EPN2: variants seen among roughly 807,000 people sequenced by gnomAD.
The protein encoded by EPN2 is epsin-2.
EPN2 carries 34 observed loss-of-function variants against 61.7 expected under a neutral mutation model. The observed-to-expected ratio is 0.55, with a 90% CI of 0.42 to 0.73. EPN2 has a LOEUF of 0.73. Among genes scored for constraint, EPN2 ranks in the 30% least tolerant of loss-of-function variants. EPN2 has a pLI of 0.00. For synonymous variants in EPN2, 349 were observed against 353.6 expected (o/e 0.99, Z 0.15); for missense variants, 714 against 839.2 (o/e 0.85, Z 1.84).
intron 1 of EPN2, among the ~76,000 whole-genome samples, chr17:19,280,181 T>C (rs1305382649): frequency 1.3e-5 from 2 of 152,132 alleles, no homozygotes; most frequent in Non-Finnish European, 2.9e-5. Flanking sequence ...CCCACTTCTC[T>C]GAGAAGCTGA....
chr17:19,307,316 T>C (rs1354088515), intron 4 of EPN2, among the ~76,000 whole-genome samples: 2 of 152,112 alleles, frequency 1.3e-5, no homozygotes, highest in African/African-American at 4.8e-5. Context: ...GCTGCAACTT[T>C]CTTTTTTTTT....
At chr17:19,256,095 G>A (rs1173722190) in intron 1 of EPN2, among the ~76,000 whole-genome samples, 8 of 151,826 alleles carry the variant, frequency 5.3e-5, no homozygotes, top group South Asian at 2.1e-4. Flanking sequence ...CCGCCACCAC[G>A]CCCGGCTAAT....
At chr17:19,329,475 C>A (rs1237736297) in intron 8 of EPN2, 86 bp from the exon 9 acceptor site, 2 of 761,906 alleles carry the variant, frequency 2.6e-6, no homozygotes, top group East Asian at 5.3e-5. Context: ...CTGTTGCCAG[C>A]CCATCCTGAG....
At chr17:19,298,814 T>C (rs1905325548) in intron 4 of EPN2, among the ~76,000 whole-genome samples, 1 of 152,258 alleles carries the variant, frequency 6.6e-6, no homozygotes, top group Non-Finnish European at 1.5e-5. Flanking sequence ...GCACTTCACA[T>C]ACCAGCTTGC....
chr17:19,265,211 A>G, intron 1 of EPN2, among the ~76,000 whole-genome samples: 1 of 151,972 alleles, frequency 6.6e-6, no homozygotes, highest in East Asian at 1.9e-4. Context: ...TGGCCAACAT[A>G]GGGAAACCCC....
At chr17:19,268,055 G>C (rs981272113) in intron 1 of EPN2, among the ~76,000 whole-genome samples, 1 of 152,204 alleles carries the variant, frequency 6.6e-6, no homozygotes, top group Non-Finnish European at 1.5e-5. Flanking sequence ...TGCATTCCCA[G>C]CTACCTTAGT....
At chr17:19,313,315 G>C (rs1445101298) in intron 7 of EPN2, 36 bp downstream of exon 7, 4 of 1,492,184 alleles carry the variant, frequency 2.7e-6, no homozygotes, top group Non-Finnish European at 3.6e-6. Flanking sequence ...GTGCTTGCCT[G>C]CTGGATGGGT....
At chr17:19,313,396 C>A in intron 7 of EPN2, 117 bp downstream of exon 7, 1 of 920,554 alleles carries the variant, frequency 1.1e-6, no homozygotes, top group Non-Finnish European at 1.6e-6. Context: ...GGTGTCCAGG[C>A]TCCTCCAGCC....
chr17:19,255,361 C>G (rs555697410), intron 1 of EPN2, among the ~76,000 whole-genome samples: 18 of 152,036 alleles, frequency 1.2e-4, no homozygotes, highest in Non-Finnish European at 1.8e-4. Flanking sequence ...GTGACCTGCA[C>G]TTTGGGTTCT....
intron 4 of EPN2, among the ~76,000 whole-genome samples, chr17:19,289,078 T>TG (rs57769927): frequency 0.06 from 7,659 of 127,812 alleles, 1,074 homozygotes; most frequent in African/African-American, 0.23. Context: ...GGGTATGTTT[T>TG]TTTTTTTTTT....
At chr17:19,254,138 AAGAG>A (rs753593950) in intron 1 of EPN2, among the ~76,000 whole-genome samples, 35 of 149,168 alleles carry the variant, frequency 2.3e-4, no homozygotes, top group Admixed American at 1.7e-3. Context: ...TCTAAAAAGA[AAGAG>A]AGAGAGAGAG....
intron 1 of EPN2, among the ~76,000 whole-genome samples, chr17:19,239,602 T>C (rs1189431478): frequency 6.6e-6 from 1 of 152,224 alleles, no homozygotes; most frequent in East Asian, 1.9e-4. Context: ...AAGATTTTGG[T>C]AAAGTGTAAG....
At chr17:19,316,529 G>T (rs1598018275) in intron 7 of EPN2, among the ~76,000 whole-genome samples, 1 of 152,222 alleles carries the variant, frequency 6.6e-6, no homozygotes, top group Non-Finnish European at 1.5e-5. Flanking sequence ...TGTGGCCCTG[G>T]CATGTCCTGG....
rs114061993 is a variant in EPN2, at chr17:19,286,696, T to C, written c.766+906T>C. Among the ~76,000 whole-genome samples the C allele has an allele frequency of 1.9e-3, 296 of 152,346 alleles. 1 individual carries two copies. The highest frequency in any genetic ancestry group is 6.9e-3 in the African/African-American group (288 of 41,574). On this transcript the variant is annotated intron_variant, in intron 4 of 10. Transcript: ENST00000314728. ...CAGTTCATTCATGCCTCATTAATAT[T>C]ACAGCTTGTTTGACTTGGGTATTTG...
At chr17:19,314,667 C>T (rs1309814158) in intron 7 of EPN2, among the ~76,000 whole-genome samples, 1 of 152,222 alleles carries the variant, frequency 6.6e-6, no homozygotes, top group Admixed American at 6.5e-5. Context: ...TTGGCAGGAG[C>T]CCTCTGGGCC....
At chr17:19,252,535 A>C (rs950954) in intron 1 of EPN2, among the ~76,000 whole-genome samples, 6,086 of 152,268 alleles carry the variant, frequency 0.04, 527 homozygotes, top group East Asian at 0.27. Context: ...ACTTTATTGG[A>C]AAATGCTTCA....
intron 4 of EPN2, among the ~76,000 whole-genome samples, chr17:19,290,478 A>G (rs933991175): frequency 6.6e-6 from 1 of 152,154 alleles, no homozygotes; most frequent in African/African-American, 2.4e-5. Context: ...CTGTCCTCTC[A>G]CCAAGGACAC....
At chr17:19,295,443 A>T (rs553330633) in intron 4 of EPN2, among the ~76,000 whole-genome samples, 1 of 152,084 alleles carries the variant, frequency 6.6e-6, no homozygotes, top group Non-Finnish European at 1.5e-5. Context: ...GAGGCAGGAG[A>T]ATCACTTTAA....
intron 1 of EPN2, among the ~76,000 whole-genome samples, chr17:19,246,640 T>C (rs1009767480): frequency 3.3e-5 from 5 of 151,800 alleles, no homozygotes; most frequent in Non-Finnish European, 5.9e-5. Flanking sequence ...AATAAATCAA[T>C]GTGAGCAAAA....
Sources: allele counts gnomAD v4.1 joint callset (sites outside exome capture counted in the v4.1 genomes callset), GRCh38; gene constraint gnomAD v4.1.1; transcripts MANE v1.5; gene names NCBI Gene and HGNC (gene_info 2026-07-23, HGNC 2026-07-21).